The following GHR variants were observed in gnomAD, a reference collection of about 807,000 sequenced individuals.
GHR encodes the protein growth hormone receptor.
In GHR, 35 loss-of-function variants were observed where a neutral mutation model predicts 67.1. That is an observed-to-expected ratio of 0.52 (90% CI 0.40 to 0.69). The LOEUF (loss-of-function observed/expected upper bound fraction) is 0.69, where lower values mean the gene tolerates loss of function less well. GHR is among the 30% of genes least tolerant of loss of function. GHR has a pLI of 0.00. For missense variants in GHR, 792 were observed against 764.6 expected (o/e 1.04, Z -0.42); for synonymous variants, 272 against 269.1 (o/e 1.01, Z -0.10).
intron 1 of GHR, among the ~76,000 whole-genome samples, chr5:42,472,537 T>A (rs1443976500): frequency 1.3e-5 from 2 of 152,136 alleles, no homozygotes; most frequent in African/African-American, 2.4e-5. Flanking sequence ...TGCCAAATAG[T>A]AGAAAGAGAA....
intron 2 of GHR, among the ~76,000 whole-genome samples, chr5:42,574,329 C>T (rs115158227): frequency 1.1e-3 from 165 of 152,314 alleles, no homozygotes; most frequent in African/African-American, 3.7e-3. Flanking sequence ...GCTCTGGCTA[C>T]GTTGACAAAC....
rs141026912 is a variant in GHR, at chr5:42,587,657, T to C, written c.70+21713T>C. On this transcript the variant is annotated intron_variant, in intron 2 of 9. Transcript: ENST00000230882. ...ATCGGAATGTGAACTTGGGGAAAGATTTGGGGTTTTTTTTGTTTTTTTTTT... is the reference window on the plus strand; with the variant it reads ...ATCGGAATGTGAACTTGGGGAAAGACTTGGGGTTTTTTTTGTTTTTTTTTT... Among the ~76,000 whole-genome samples the C allele has an allele frequency of 2.0e-3, 310 of 152,156 alleles. 1 individual carries two copies. Among genetic ancestry groups the C allele is most frequent in the African/African-American group, 7.3e-3 (304 of 41,520 alleles).
chr5:42,690,928 C>A (rs567282990), intron 4 of GHR, among the ~76,000 whole-genome samples: 1 of 152,266 alleles, frequency 6.6e-6, no homozygotes, highest in South Asian at 2.1e-4. Context: ...AGAAAAGTAG[C>A]AGAATAACCT....
At chr5:42,452,417 A>T (rs1279540424) in intron 1 of GHR, among the ~76,000 whole-genome samples, 1 of 152,092 alleles carries the variant, frequency 6.6e-6, no homozygotes, top group East Asian at 1.9e-4. Context: ...GAGTTCTTTG[A>T]GCTTCCTGTA....
At chr5:42,574,395 A>G (rs1432180783) in intron 2 of GHR, among the ~76,000 whole-genome samples, 1 of 152,220 alleles carries the variant, frequency 6.6e-6, no homozygotes, top group African/African-American at 2.4e-5. Flanking sequence ...CATACCCTCT[A>G]GTATTTGCTC....
At chr5:42,645,314 C>T (rs1032550521) in intron 3 of GHR, among the ~76,000 whole-genome samples, 2 of 152,168 alleles carry the variant, frequency 1.3e-5, no homozygotes, top group Non-Finnish European at 2.9e-5. Flanking sequence ...TTGATGTGAG[C>T]TATCAAATAT....
At chr5:42,453,808 G>A (rs1269119054) in intron 1 of GHR, among the ~76,000 whole-genome samples, 1 of 152,140 alleles carries the variant, frequency 6.6e-6, no homozygotes, top group African/African-American at 2.4e-5. Flanking sequence ...AGTGCCAGGG[G>A]GAACAAGGAC....
At chr5:42,648,026 A>T (rs1257185360) in intron 3 of GHR, among the ~76,000 whole-genome samples, 1 of 152,196 alleles carries the variant, frequency 6.6e-6, no homozygotes, top group Non-Finnish European at 1.5e-5. Flanking sequence ...TATTTTTTTA[A>T]AAAATTTTTA....
intron 1 of GHR, among the ~76,000 whole-genome samples, chr5:42,534,174 ATATG>A (rs1410119875): frequency 3.1e-5 from 3 of 96,726 alleles, no homozygotes; most frequent in Non-Finnish European, 6.8e-5. Flanking sequence ...ACATATGTAT[ATATG>A]TATGTATATA....
At chr5:42,472,486 A>G (rs770878181) in intron 1 of GHR, among the ~76,000 whole-genome samples, 50 of 152,366 alleles carry the variant, frequency 3.3e-4, no homozygotes, top group Non-Finnish European at 6.2e-4. Context: ...ATTAGAGAAC[A>G]TTAGAAGCAT....
At chr5:42,686,481 C>A (rs982984480) in intron 3 of GHR, among the ~76,000 whole-genome samples, 1 of 152,106 alleles carries the variant, frequency 6.6e-6, no homozygotes, top group African/African-American at 2.4e-5. Flanking sequence ...TTATCCACCC[C>A]GATCAAGTCG....
chr5:42,542,325 C>T (rs1748549710), intron 1 of GHR, among the ~76,000 whole-genome samples: 1 of 152,072 alleles, frequency 6.6e-6, no homozygotes, highest in Non-Finnish European at 1.5e-5. Flanking sequence ...AAGAATTTGC[C>T]ACAATGTGGA....
Position 42,694,960 on chromosome 5 carries a change from T to A in GHR, c.310T>A (p.Tyr104Asn). ...WTQEWKECPD[Y>N]VSAGENSCYF... is the part of the protein sequence containing the mutation. ...TCAAGAATGGAAAGAATGCCCTGAT[T>A]ATGTTTCTGCTGGGGAAAACAGCTG... Residue 104 changes from tyrosine (Y) to asparagine (N), a missense_variant, in exon 5 of 10, where the codon TAT becomes AAT. Coordinates refer to ENST00000230882, the MANE Select transcript of GHR (RefSeq NM_000163.5). 6.2e-7 allele frequency: 1 copy of A among 1,611,816 alleles called. No individual in the cohort carries two copies. Among genetic ancestry groups the A allele is most frequent in the Non-Finnish European group, 8.5e-7 (1 of 1,178,374 alleles).
chr5:42,676,902 T>C (rs1756598694), intron 3 of GHR, among the ~76,000 whole-genome samples: 1 of 152,144 alleles, frequency 6.6e-6, no homozygotes, highest in African/African-American at 2.4e-5. Context: ...TCCAGCTAGC[T>C]GGGTAAGGGG....
chr5:42,513,797 T>C (rs975737862), intron 1 of GHR, among the ~76,000 whole-genome samples: 3 of 151,904 alleles, frequency 2.0e-5, no homozygotes, highest in Non-Finnish European at 4.4e-5. Flanking sequence ...AAAAAAAGCT[T>C]CAGCAGGGTG....
intron 1 of GHR, among the ~76,000 whole-genome samples, chr5:42,433,593 G>A (rs926878737): frequency 4.9e-4 from 74 of 152,148 alleles, no homozygotes; most frequent in African/African-American, 1.6e-3. Flanking sequence ...GTCGATGACT[G>A]TACAACTTAA....
intron 3 of GHR, among the ~76,000 whole-genome samples, chr5:42,641,754 A>T (rs1754487082): frequency 6.6e-6 from 1 of 152,194 alleles, no homozygotes; most frequent in African/African-American, 2.4e-5. Context: ...TTAATTGAAT[A>T]ATCTTGGTTA....
At chr5:42,571,996 T>C (rs77478062) in intron 2 of GHR, among the ~76,000 whole-genome samples, 7 of 152,306 alleles carry the variant, frequency 4.6e-5, no homozygotes, top group East Asian at 1.9e-4. Context: ...AGCCAGCCTC[T>C]ACCTGAGATC....
intron 1 of GHR, among the ~76,000 whole-genome samples, chr5:42,520,131 G>T (rs1208468207): frequency 1.3e-5 from 2 of 152,116 alleles, no homozygotes; most frequent in Non-Finnish European, 1.5e-5. Context: ...GGCAATCCCA[G>T]GGAATTTATC....
Sources: gnomAD v4.1 joint callset for allele counts (sites outside exome capture counted in the v4.1 genomes callset) on GRCh38, gnomAD v4.1.1 for gene constraint, MANE v1.5 for transcripts, NCBI Gene and HGNC (gene_info 2026-07-23, HGNC 2026-07-21) for gene names.